GLE1: variants seen among roughly 807,000 people sequenced by gnomAD.
The protein encoded by GLE1 is GLE1 RNA export mediator.
Under a neutral mutation model 97.3 loss-of-function variants are expected in GLE1, and 78 were observed. That is an observed-to-expected ratio of 0.80 (90% CI 0.67 to 0.97). GLE1 has a LOEUF of 0.97. Ranked by LOEUF, GLE1 falls within the 50% of genes least tolerant of loss-of-function variation. GLE1 has a pLI of 0.00. For synonymous variants in GLE1, 302 were observed against 313.4 expected (o/e 0.96, Z 0.39); for missense variants, 753 against 857.5 (o/e 0.88, Z 1.52).
At chr9:128,513,500 T>G (rs2132421700) in intron 2 of GLE1, among the ~76,000 whole-genome samples, 1 of 151,912 alleles carries the variant, frequency 6.6e-6, no homozygotes, top group East Asian at 1.9e-4. Flanking sequence ...GTGGAACATT[T>G]GAGCTCAGGC....
Position 128,523,771 on chromosome 9 carries a change from C to T in GLE1, c.822C>T (p.Val274=), listed in dbSNP as rs202111504. 2.8e-5 allele frequency: 45 copies of T among 1,614,004 alleles called. No homozygotes were observed. The East Asian group carries it at 5.6e-4, about 20-fold the overall frequency. The change falls in exon 6 of 16, where the codon GTC becomes GTT. Residue 274 remains valine, a synonymous_variant. Transcript: ENST00000309971. ...AGCAGCACAAAGCCCTGCTTAAGGT[C>T]GACCTGGCTGCCTTCCAGACCCGAG... ...ASEQHKALLK[V]DLAAFQTRGN...
intron 9 of GLE1, 109 bp from the exon 10 acceptor site, chr9:128,533,404 T>G (rs1589069901): frequency 1.1e-6 from 1 of 873,702 alleles, no homozygotes; most frequent in Non-Finnish European, 1.7e-6. Context: ...CACTCCAGCC[T>G]GGGCAGTAGA....
chr9:128,520,300 ATGTATATATG>A (rs902571220), intron 3 of GLE1, among the ~76,000 whole-genome samples: 3 of 149,504 alleles, frequency 2.0e-5, no homozygotes, highest in Non-Finnish European at 3.0e-5. Context: ...ATGTGTATAT[ATGTATATATG>A]TGTATATATG....
intron 9 of GLE1, among the ~76,000 whole-genome samples, chr9:128,530,232 T>G (rs1172833718): frequency 6.6e-6 from 1 of 152,230 alleles, no homozygotes; most frequent in Non-Finnish European, 1.5e-5. Flanking sequence ...CAGCTTCAGC[T>G]ACCTGAGGGA....
In GLE1 at chr9:128,529,214, C is replaced by T. The variant is rs141555969; in HGVS notation, c.1312+1689C>T. On this transcript the variant is annotated intron_variant, in intron 9 of 15. Coordinates refer to ENST00000309971, the MANE Select transcript of GLE1 (RefSeq NM_001003722.2). ...GACAGCCACTCCACACCTCGATGGC[C>T]GTTCCCAGTTCCCCTCTGTTGACTG... Among the ~76,000 whole-genome samples, 932 of 152,310 alleles carry T rather than the reference C, an allele frequency of 6.1e-3. 4 individuals are homozygous for T. The highest frequency in any genetic ancestry group is 9.3e-3 in the Admixed American group (143 of 15,300).
intron 2 of GLE1, among the ~76,000 whole-genome samples, chr9:128,509,346 T>C (rs1846736563): frequency 6.6e-6 from 1 of 152,112 alleles, no homozygotes; most frequent in Non-Finnish European, 1.5e-5. Context: ...TTTTTTTTTT[T>C]TTCTGATGAA....
chr9:128,523,806 T>G lies in GLE1; in HGVS notation c.857T>G (p.Leu286Arg). The change falls in exon 6 of 16, where the codon CTG becomes CGG. Residue 286 changes from leucine (L) to arginine (R), a missense_variant. Transcript: ENST00000309971. ...GCCTTCCAGACCCGAGGCAACCAGC[T>G]GTGCAGCCTCATCTCAGGGATCATC... is the stretch of plus-strand genomic sequence containing the variant. ...LAAFQTRGNQ[L>R]CSLISGIIRA... 3 of 1,614,050 alleles carry G rather than the reference T, an allele frequency of 1.9e-6. No homozygotes were observed. The highest frequency in any genetic ancestry group is 2.5e-6 in the Non-Finnish European group (3 of 1,180,002).
Position 128,541,335 on chromosome 9 carries a change from A to G in GLE1, c.*165A>G. ...GGAGAGGAGATTTTCATGGGTCACA[A>G]AATTCTTGGAGGTCCCTTAGTAGAT... On this transcript the variant is annotated 3_prime_UTR_variant, in exon 16 of 16. Transcript: ENST00000309971. 1 of 628,612 alleles carries G rather than the reference A, an allele frequency of 1.6e-6. No individual in the cohort carries two copies. Among genetic ancestry groups the G allele is most frequent in the Middle Eastern group, 3.0e-4 (1 of 3,348 alleles). 38.9% of individuals were successfully genotyped at this position (628,612 alleles called of 1,614,324 possible).
At chr9:128,521,763 A>T (rs1847159246) in intron 3 of GLE1, among the ~76,000 whole-genome samples, 1 of 152,158 alleles carries the variant, frequency 6.6e-6, no homozygotes, top group African/African-American at 2.4e-5. Context: ...GCATTCTTGT[A>T]CATATATCTT....
chr9:128,539,987 CAGG>C (rs1847838347), intron 14 of GLE1: 1 of 749,802 alleles, frequency 1.3e-6, no homozygotes, highest in Non-Finnish European at 2.1e-6. Flanking sequence ...TGGGAGGCCA[CAGG>C]AGGAGGATCA....
At chr9:128,507,549 A>C (rs1846675194) in intron 1 of GLE1, among the ~76,000 whole-genome samples, 1 of 148,496 alleles carries the variant, frequency 6.7e-6, no homozygotes, top group East Asian at 2.0e-4. Flanking sequence ...ACGCCACTGC[A>C]CTCCAGCCTG....
intron 3 of GLE1, among the ~76,000 whole-genome samples, chr9:128,520,773 AG>A (rs1258543163): frequency 6.6e-6 from 1 of 151,296 alleles, no homozygotes; most frequent in Non-Finnish European, 1.5e-5. Context: ...TTTTTTTTAA[AG>A]ACAGGGTCTC....
At chr9:128,509,215 C>A (rs1460526583) in intron 2 of GLE1, 118 bp downstream of exon 2, 13 of 731,668 alleles carry the variant, frequency 1.8e-5, no homozygotes, top group Admixed American at 7.9e-5. Flanking sequence ...ATTGTTGTAG[C>A]TGTTGTAGAG....
Position 128,507,534 on chromosome 9 carries a change from T to C in GLE1, c.100-1342T>C, listed in dbSNP as rs528766175. Among the ~76,000 whole-genome samples the C allele has an allele frequency of 4.8e-4, 71 of 148,858 alleles. No homozygotes were observed. In the South Asian group the frequency reaches 6.4e-3, roughly 13 times the overall value. ...GAAAAGTTGAGGCTGCAGTGAGCCG[T>C]GATCACGCCACTGCACTCCAGCCTG... On this transcript the variant is annotated intron_variant, in intron 1 of 15. Transcript: ENST00000309971.
chr9:128,523,505 A>G, intron 5 of GLE1, 87 bp from the exon 6 acceptor site: 1 of 1,547,730 alleles, frequency 6.5e-7, no homozygotes. Flanking sequence ...ATCTGTGAAA[A>G]TATGTAGCCC....
intron 6 of GLE1, among the ~76,000 whole-genome samples, chr9:128,524,366 C>G (rs1847242390): frequency 6.6e-6 from 1 of 151,668 alleles, no homozygotes; most frequent in South Asian, 2.1e-4. Flanking sequence ...AGGTGTGAGC[C>G]ACGGTGCCAA....
In GLE1 at chr9:128,527,518, C is replaced by G; in HGVS notation, c.1305C>G (p.Thr435=). 1.2e-6 allele frequency: 2 copies of G among 1,605,850 alleles called. No homozygotes were observed. The highest frequency in any genetic ancestry group is 1.7e-6 in the Non-Finnish European group (2 of 1,172,468). ...AATIPVSQIS[T]IAGSKLKEIF... is the part of the protein sequence containing the mutation. ...CCATCCCAGTGAGCCAAATCTCTAC[C>G]ATTGCAGGTTGGTCAGAGGGGTTGA... Residue 435 remains threonine (T), a synonymous_variant, in exon 9 of 16, where the codon ACC becomes ACG. Coordinates refer to ENST00000309971, the MANE Select transcript of GLE1 (RefSeq NM_001003722.2).
rs142600956 is a variant in GLE1 at position 128,522,382 on chromosome 9, C to G, written c.433-286C>G. Among the ~76,000 whole-genome samples the G allele has an allele frequency of 2.8e-4, 42 of 152,182 alleles. No individual in the cohort carries two copies. In the East Asian group the frequency reaches 7.7e-3, roughly 28 times the overall value. Reference sequence around the variant, plus strand: ...CAGGTGTTAAACATTTTCGGCCGGGCGAGGTGGCTCACGCCTGTAATCCGA... The same window carrying G: ...CAGGTGTTAAACATTTTCGGCCGGGGGAGGTGGCTCACGCCTGTAATCCGA... On this transcript the variant is annotated intron_variant, in intron 3 of 15. Transcript: ENST00000309971.
At chr9:128,537,367 C>T (rs1474816955) in intron 12 of GLE1, among the ~76,000 whole-genome samples, 3 of 147,568 alleles carry the variant, frequency 2.0e-5, no homozygotes, top group African/African-American at 5.0e-5. Context: ...GCACGAGAAT[C>T]GCTTTAACCC....
Sources: allele counts gnomAD v4.1 joint callset (sites outside exome capture counted in the v4.1 genomes callset), GRCh38; gene constraint gnomAD v4.1.1; transcripts MANE v1.5; gene names NCBI Gene and HGNC (gene_info 2026-07-23, HGNC 2026-07-21).